Variants in NALF1 observed in about 807,000 individuals in gnomAD.
NALF1 encodes the protein family with sequence similarity 155 member A.
In NALF1, 3 loss-of-function variants were observed where a neutral mutation model predicts 48.4. The ratio of observed to expected loss-of-function variants is 0.06; its 90% confidence interval spans 0.03 to 0.16. NALF1 has a LOEUF of 0.16. Ranked by LOEUF, NALF1 falls within the 10% of genes least tolerant of loss-of-function variation. The pLI is 1.00. For synonymous variants in NALF1, 262 were observed against 245.7 expected, an observed-to-expected ratio of 1.07 and a Z score of -0.62; for missense variants, 526 against 571.5, an observed-to-expected ratio of 0.92 and a Z score of 0.81.
chr13:107,368,729 C>G (rs576431749), intron 1 of NALF1, among the ~76,000 whole-genome samples: 3 of 152,320 alleles, frequency 2.0e-5, no homozygotes, highest in East Asian at 3.9e-4. Flanking sequence ...ATAATCTACT[C>G]ATGTCAAAAT....
intron 1 of NALF1, among the ~76,000 whole-genome samples, chr13:107,479,169 C>T (rs1278393298): frequency 6.6e-6 from 1 of 152,114 alleles, no homozygotes; most frequent in Non-Finnish European, 1.5e-5. Context: ...GTTCTGATCC[C>T]ACTGTCCTCT....
intron 1 of NALF1, among the ~76,000 whole-genome samples, chr13:107,613,392 C>G (rs1879292679): frequency 6.6e-6 from 1 of 152,186 alleles, no homozygotes; most frequent in Admixed American, 6.5e-5. Flanking sequence ...TCCAGGCCAA[C>G]TGGGGAATGC....
intron 2 of NALF1, among the ~76,000 whole-genome samples, chr13:107,204,893 C>A (rs1247363172): frequency 7.0e-6 from 1 of 143,752 alleles, no homozygotes; most frequent in Non-Finnish European, 1.5e-5. Context: ...AATGAACATA[C>A]GCATACGCAG....
chr13:107,847,891 T>C (rs1421068244), intron 1 of NALF1, among the ~76,000 whole-genome samples: 2 of 152,180 alleles, frequency 1.3e-5, no homozygotes, highest in Admixed American at 1.3e-4. Flanking sequence ...CAGCAATAGA[T>C]AACTAATGAA....
rs111933106 is a variant in NALF1 at position 107,422,440 on chromosome 13, A to T, written c.916-211685T>A. 5.9e-3 allele frequency among the ~76,000 whole-genome samples: 904 copies of T among 152,084 alleles called. 13 individuals are homozygous for T. The highest frequency in any genetic ancestry group is 0.02 in the African/African-American group (821 of 41,534). On this transcript the variant is annotated intron_variant, in intron 1 of 2. Transcript: ENST00000375915. ...TTAGAGTTTCATAAAATAGAGTTTA[A>T]AAACTACTGCATGAATAATAATAAT...
chr13:107,622,467 AC>A (rs762805034), intron 1 of NALF1, among the ~76,000 whole-genome samples: 2 of 90,372 alleles, frequency 2.2e-5, no homozygotes, highest in Non-Finnish European at 5.2e-5. Context: ...AACAACAACA[AC>A]AACAAAAAAA....
intron 1 of NALF1, among the ~76,000 whole-genome samples, chr13:107,819,667 T>C (rs1417841135): frequency 7.3e-5 from 11 of 149,706 alleles, no homozygotes; most frequent in Non-Finnish European, 1.3e-4. Context: ...ATGAATCTGC[T>C]GTCTCCAGCT....
chr13:107,414,676 A>AT (rs1256102637), intron 1 of NALF1, among the ~76,000 whole-genome samples: 1 of 151,992 alleles, frequency 6.6e-6, no homozygotes, highest in East Asian at 1.9e-4. Context: ...ATTAAAAGGA[A>AT]TAGTTCTATC....
intron 1 of NALF1, among the ~76,000 whole-genome samples, chr13:107,628,236 T>C (rs9520526): frequency 0.58 from 87,953 of 151,998 alleles, 27,921 homozygotes; most frequent in East Asian, 1. Context: ...ACAGTCAAGA[T>C]GCATGATCTG....
At chr13:107,358,161 G>GT (rs1882995856) in intron 1 of NALF1, among the ~76,000 whole-genome samples, 1 of 134,076 alleles carries the variant, frequency 7.5e-6, no homozygotes, top group East Asian at 2.1e-4. Flanking sequence ...TTTTATATAC[G>GT]TAACATATGT....
chr13:107,816,765 A>T (rs1289934028), intron 1 of NALF1, among the ~76,000 whole-genome samples: 1 of 152,168 alleles, frequency 6.6e-6, no homozygotes, highest in Non-Finnish European at 1.5e-5. Flanking sequence ...CCTTAAATTA[A>T]ACGTACAACA....
rs559713144 is a variant in NALF1, at chr13:107,688,723, C to T, written c.915+176959G>A. Among the ~76,000 whole-genome samples the T allele has an allele frequency of 8.2e-4, 125 of 152,250 alleles. 4 individuals are homozygous for T. The South Asian group carries it at 0.025, about 31-fold the overall frequency. On this transcript the variant is annotated intron_variant, in intron 1 of 2. Transcript: ENST00000375915. ...CTCTGTGCCATTCCAGGGTTCATGT[C>T]GAAGCAGTCCTACCTCCAAAGACCA...
At chr13:107,522,900 G>A (rs1177236531) in intron 1 of NALF1, among the ~76,000 whole-genome samples, 2 of 151,972 alleles carry the variant, frequency 1.3e-5, no homozygotes, top group Non-Finnish European at 2.9e-5. Context: ...TTACAGGTGT[G>A]AGCCACCGTG....
intron 1 of NALF1, among the ~76,000 whole-genome samples, chr13:107,806,091 A>G (rs1399503098): frequency 6.6e-6 from 1 of 152,192 alleles, no homozygotes; most frequent in Non-Finnish European, 1.5e-5. Context: ...ATTTGAAGGA[A>G]GCATATAAAC....
rs1287511783 is a variant in NALF1 at position 107,866,443 on chromosome 13, G to A, written c.154C>T (p.Leu52Phe). Residue 52 changes from leucine to phenylalanine, a missense_variant, in exon 1 of 3, where the codon CTC (leucine) becomes TTC (phenylalanine). Leu to Phe is a conservative substitution (Grantham distance 22). Around this residue, in one of 2 missense-constraint regions of NALF1, gnomAD observed 373 missense variants for 355.5 expected, o/e 1.05. Coordinates refer to ENST00000375915, the MANE Select transcript of NALF1 (RefSeq NM_001080396.3). This position sits in a 1 kb window ranked among gnomAD's most constrained non-coding sequence, Gnocchi z 4.4. ...LASLLFFTVLLSDHLWFCAEA... is the reference protein window; with the variant it reads ...LASLLFFTVLFSDHLWFCAEA... ...GCGCAGAACCACAAGTGATCAGAGA[G>A]CAGGACTGTGAAAAACAAGAGAGAT... is the stretch of plus-strand genomic sequence containing the variant. 2 of 1,614,180 alleles carry A rather than the reference G, an allele frequency of 1.2e-6. No individual in the cohort carries two copies. The highest frequency in any genetic ancestry group is 8.5e-7 in the Non-Finnish European group (1 of 1,180,038).
chr13:107,237,136 C>A, intron 1 of NALF1, among the ~76,000 whole-genome samples: 2 of 147,942 alleles, frequency 1.4e-5, no homozygotes, highest in African/African-American at 5.0e-5. Context: ...TTATGATAAA[C>A]ACAGACAAAA....
intron 1 of NALF1, among the ~76,000 whole-genome samples, chr13:107,719,719 G>A (rs1875928301): frequency 1.3e-5 from 2 of 152,058 alleles, no homozygotes; most frequent in Non-Finnish European, 2.9e-5. Flanking sequence ...TTGAGAGTCT[G>A]TATTCTACTC....
At chr13:107,271,814 A>ATATATATATATATATATATATATT (rs1374366280) in intron 1 of NALF1, among the ~76,000 whole-genome samples, 1 of 102,596 alleles carries the variant, frequency 9.7e-6, no homozygotes, top group African/African-American at 4.9e-5. Flanking sequence ...ATATATATAT[A>ATATATATATATATATATATATATT]TATTTATATA....
chr13:107,287,795 T>C (rs1162065146), intron 1 of NALF1, among the ~76,000 whole-genome samples: 2 of 141,054 alleles, frequency 1.4e-5, no homozygotes, highest in Non-Finnish European at 3.1e-5. Context: ...AACCTCCACC[T>C]CCCAGGTTCA....
Sources: gnomAD v4.1 joint callset for allele counts (sites outside exome capture counted in the v4.1 genomes callset) on GRCh38, gnomAD v4.1.1 for gene constraint, gnomAD v4.1.1 regional missense constraint, Gnocchi (gnomAD v3.1) non-coding constraint, MANE v1.5 for transcripts, NCBI Gene and HGNC (gene_info 2026-07-23, HGNC 2026-07-21) for gene names.